ILRUN: variants seen among roughly 807,000 people sequenced by gnomAD.
The protein encoded by ILRUN is inflammation and lipid regulator with UBA-like and NBR1-like domains.
Under a neutral mutation model 33.8 loss-of-function variants are expected in ILRUN, and 3 were observed. The observed-to-expected ratio is 0.09, with a 90% CI of 0.04 to 0.23. The LOEUF (loss-of-function observed/expected upper bound fraction) is 0.23, where lower values mean the gene tolerates loss of function less well. Ranked by LOEUF, ILRUN falls within the 10% of genes least tolerant of loss-of-function variation. The probability of loss-of-function intolerance (pLI) is 1.00; values close to 1 mark genes in which losing one functional copy is unlikely to be tolerated. For synonymous variants in ILRUN, 124 were observed against 138.9 expected (o/e 0.89, Z 0.75); for missense variants, 210 against 375.1 (o/e 0.56, Z 3.64).
intron 3 of ILRUN, among the ~76,000 whole-genome samples, chr6:34,610,896 C>G (rs987052051): frequency 6.6e-6 from 1 of 151,918 alleles, no homozygotes; most frequent in African/African-American, 2.4e-5. Context: ...CTACCACCAC[C>G]CCTTTTCTCC....
At chr6:34,654,159 T>C (rs1031311630) in intron 2 of ILRUN, among the ~76,000 whole-genome samples, 4 of 142,240 alleles carry the variant, frequency 2.8e-5, no homozygotes, top group African/African-American at 5.6e-5. Flanking sequence ...ATCATCCTTG[T>C]GGTTGCAAAA....
At chr6:34,663,995 T>A (rs1461195477) in intron 1 of ILRUN, among the ~76,000 whole-genome samples, 4 of 152,146 alleles carry the variant, frequency 2.6e-5, no homozygotes, top group African/African-American at 9.7e-5. Flanking sequence ...TAAGAACGAC[T>A]CAGCTTTGAA....
At chr6:34,687,539 A>G (rs376892971) in intron 1 of ILRUN, among the ~76,000 whole-genome samples, 2 of 151,766 alleles carry the variant, frequency 1.3e-5, no homozygotes, top group East Asian at 3.9e-4. Flanking sequence ...TACTAAAAAT[A>G]CAAAAAAAAT....
intron 1 of ILRUN, among the ~76,000 whole-genome samples, chr6:34,669,552 T>A (rs1217868886): frequency 6.6e-6 from 1 of 152,134 alleles, no homozygotes; most frequent in Non-Finnish European, 1.5e-5. Flanking sequence ...TACATTGGTC[T>A]CCAGAACCAT....
intron 3 of ILRUN, among the ~76,000 whole-genome samples, chr6:34,608,556 A>C (rs1280814061): frequency 1.3e-5 from 2 of 152,196 alleles, no homozygotes; most frequent in African/African-American, 2.4e-5. Context: ...TACTATGTAG[A>C]CTTCATAAAC....
In ILRUN at chr6:34,599,673, C is replaced by T. The variant is rs1761469167; in HGVS notation, c.861+6882G>A. ...CAGTCTTACAGCATTAGATGCCATC[C>T]ATGTGACATAACTCTCAAATTTATA... On this transcript the variant is annotated intron_variant, in intron 4 of 4. Transcript: ENST00000374023. 3.3e-5 allele frequency among the ~76,000 whole-genome samples: 5 copies of T among 152,330 alleles called. No individual in the cohort carries two copies. In the South Asian group the frequency reaches 8.3e-4, roughly 25 times the overall value.
chr6:34,672,428 G>A (rs1235017375), intron 1 of ILRUN, among the ~76,000 whole-genome samples: 1 of 152,024 alleles, frequency 6.6e-6, no homozygotes, highest in Non-Finnish European at 1.5e-5. Flanking sequence ...ATAGGAGTAC[G>A]TAGTGGGCCG....
At chr6:34,671,564 C>T (rs775504214) in intron 1 of ILRUN, among the ~76,000 whole-genome samples, 1 of 152,142 alleles carries the variant, frequency 6.6e-6, no homozygotes, top group Non-Finnish European at 1.5e-5. Flanking sequence ...AACTGGCATA[C>T]CAAAATGTTA....
rs1289507613 is a variant in ILRUN at position 34,614,435 on chromosome 6, A to ATATATATATATAT, written c.512-7532_512-7531insATATATATATATA. Among the ~76,000 whole-genome samples the ATATATATATATAT allele has an allele frequency of 2.9e-3, 358 of 123,370 alleles. 1 individual carries two copies. The highest frequency in any genetic ancestry group is 5.2e-3 in the African/African-American group (137 of 26,108). 80.9% of individuals were successfully genotyped at this position (123,370 alleles called of 152,430 possible). A position where few individuals can be genotyped will look rare whatever the true frequency, so the allele number is the denominator to read the frequency against. On this transcript the variant is annotated intron_variant, in intron 3 of 4. Coordinates refer to ENST00000374023, the MANE Select transcript of ILRUN (RefSeq NM_024294.4). Reference sequence around the variant, plus strand: ...AGACTCCATCTCAAAAAATAATAAAAAAAAAAAAATATATATATATAAAAT... The same window carrying ATATATATATATAT: ...AGACTCCATCTCAAAAAATAATAAAATATATATATATATAAAAAAAAATATATATATATAAAAT...
chr6:34,657,449 A>T (rs557260420), intron 1 of ILRUN, among the ~76,000 whole-genome samples: 1 of 152,262 alleles, frequency 6.6e-6, no homozygotes, highest in East Asian at 1.9e-4. Context: ...ATCTCCTTTC[A>T]CACCTTTCCA....
rs1172655762 is a variant in ILRUN at position 34,646,845 on chromosome 6, T to C, written c.314-47A>G. ...AAATGTTAGGCAATCAATGGTCCTA[T>C]GCTGGGTGCAGTTTATTATGAAACT... On this transcript the variant is annotated intron_variant, in intron 2 of 4. Coordinates refer to ENST00000374023, the MANE Select transcript of ILRUN (RefSeq NM_024294.4). The surrounding 1 kb of genome is among the most constrained non-coding windows in gnomAD (Gnocchi z 4.9). 1.3e-6 allele frequency: 2 copies of C among 1,563,348 alleles called. No individual in the cohort carries two copies. Among genetic ancestry groups the C allele is most frequent in the South Asian group, 1.1e-5 (1 of 90,032 alleles).
chr6:34,673,872 G>C, intron 1 of ILRUN, among the ~76,000 whole-genome samples: 1 of 146,430 alleles, frequency 6.8e-6, no homozygotes, highest in Admixed American at 6.7e-5. Flanking sequence ...GGGTGACAGA[G>C]AGATCCTGTC....
At chr6:34,678,867 A>G (rs1481511880) in intron 1 of ILRUN, among the ~76,000 whole-genome samples, 1 of 151,018 alleles carries the variant, frequency 6.6e-6, no homozygotes, top group Admixed American at 6.6e-5. Flanking sequence ...AAAGAAAGAA[A>G]GAAAGAAATT....
chr6:34,601,707 C>CG (rs1032998240), intron 4 of ILRUN, among the ~76,000 whole-genome samples: 1 of 151,518 alleles, frequency 6.6e-6, no homozygotes, highest in African/African-American at 2.4e-5. Context: ...CAGTACCCGC[C>CG]CCCCCAACTA....
Position 34,696,678 on chromosome 6 carries a change from G to T in ILRUN, c.-75C>A. ...CCGCGCCGCCGGGCCCGGGGACCTG[G>T]AGGGGGGCCGCTGCTAGCTAGCTTC... is the stretch of plus-strand genomic sequence containing the variant. On this transcript the variant is annotated 5_prime_UTR_variant, in exon 1 of 5. Transcript: ENST00000374023. 6.6e-7 allele frequency: 1 copy of T among 1,516,558 alleles called. No homozygotes were observed. Among genetic ancestry groups the T allele is most frequent in the Non-Finnish European group, 8.9e-7 (1 of 1,125,216 alleles). The allele number at this position is 1,516,558 out of a possible 1,614,324, so 93.9% of individuals were successfully genotyped here. A position where few individuals can be genotyped will look rare whatever the true frequency, so the allele number is the denominator to read the frequency against.
chr6:34,668,063 G>T (rs141117071), intron 1 of ILRUN, among the ~76,000 whole-genome samples: 62 of 152,236 alleles, frequency 4.1e-4, no homozygotes, highest in African/African-American at 1.3e-3. Context: ...GGATATATTT[G>T]CTGAAGGGCT....
At chr6:34,665,977 T>C (rs1259825614) in intron 1 of ILRUN, among the ~76,000 whole-genome samples, 1 of 146,618 alleles carries the variant, frequency 6.8e-6, no homozygotes, top group Non-Finnish European at 1.5e-5. Flanking sequence ...ATGCTGGCCA[T>C]ACCATCAACA....
At chr6:34,615,761 A>G (rs1452397464) in intron 3 of ILRUN, among the ~76,000 whole-genome samples, 1 of 152,176 alleles carries the variant, frequency 6.6e-6, no homozygotes, top group East Asian at 1.9e-4. Flanking sequence ...AGAAGCCTCA[A>G]AAACACCGTT....
At chr6:34,609,138 G>A (rs887412185) in intron 3 of ILRUN, among the ~76,000 whole-genome samples, 1 of 152,202 alleles carries the variant, frequency 6.6e-6, no homozygotes, top group Non-Finnish European at 1.5e-5. Flanking sequence ...AGGAAACTAA[G>A]GAAAACTCTC....
Sources: gnomAD v4.1 joint callset for allele counts (sites outside exome capture counted in the v4.1 genomes callset) on GRCh38, gnomAD v4.1.1 for gene constraint, Gnocchi (gnomAD v3.1) non-coding constraint, MANE v1.5 for transcripts, NCBI Gene and HGNC (gene_info 2026-07-23, HGNC 2026-07-21) for gene names.